Variants in BBX observed in about 807,000 individuals in gnomAD.
BBX encodes BBX high mobility group box domain containing.
In BBX, 30 loss-of-function variants were observed where a neutral mutation model predicts 100.2. The ratio of observed to expected loss-of-function variants is 0.30; its 90% CI spans 0.22 to 0.41. The LOEUF is 0.41. BBX is among the 10% of genes least tolerant of loss of function. The pLI is 1.00. For synonymous variants in BBX, 376 were observed against 388.1 expected, an observed-to-expected ratio of 0.97 and a Z score of 0.37; for missense variants, 1,023 against 1,129.8, an observed-to-expected ratio of 0.91 and a Z score of 1.35.
chr3:107,752,511 A>T (rs556634581), intron 9 of BBX, among the ~76,000 whole-genome samples: 1 of 152,280 alleles, frequency 6.6e-6, no homozygotes, highest in African/African-American at 2.4e-5. Flanking sequence ...ATACCGTCAT[A>T]ATTGCAAGAC....
At chr3:107,736,178 C>T (rs16853801) in intron 7 of BBX, among the ~76,000 whole-genome samples, 2,492 of 152,070 alleles carry the variant, frequency 0.016, 66 homozygotes, top group African/African-American at 0.057. Context: ...CATGTCCCTA[C>T]TGAGACCCTG....
intron 3 of BBX, among the ~76,000 whole-genome samples, chr3:107,707,545 T>C (rs1191042549): frequency 6.6e-6 from 1 of 152,200 alleles, no homozygotes; most frequent in Non-Finnish European, 1.5e-5. Context: ...AGGTATGATG[T>C]ATCTAAATAA....
At chr3:107,608,946 T>C (rs2054638224) in intron 2 of BBX, among the ~76,000 whole-genome samples, 1 of 152,220 alleles carries the variant, frequency 6.6e-6, no homozygotes, top group Non-Finnish European at 1.5e-5. Flanking sequence ...TAAGTTCTAA[T>C]AGTTTTTGGG....
intron 3 of BBX, among the ~76,000 whole-genome samples, chr3:107,688,271 C>T (rs9858953): frequency 0.095 from 14,448 of 152,180 alleles, 874 homozygotes; most frequent in Admixed American, 0.13. Context: ...GTGATCACAT[C>T]CCTTGAAAGT....
chr3:107,603,991 G>A (rs1294823428), intron 2 of BBX, among the ~76,000 whole-genome samples: 1 of 152,116 alleles, frequency 6.6e-6, no homozygotes, highest in African/African-American at 2.4e-5. Flanking sequence ...GTGGTGGTCT[G>A]GAACTGAACC....
At chr3:107,774,990 A>G (rs778182828) in intron 12 of BBX, 133 bp downstream of exon 12, 184 of 1,037,486 alleles carry the variant, frequency 1.8e-4, no homozygotes, top group South Asian at 8.7e-4. Context: ...CAATCTTAGT[A>G]GGCACCCTAG....
chr3:107,648,815 T>C, intron 3 of BBX, among the ~76,000 whole-genome samples: 1 of 152,212 alleles, frequency 6.6e-6, no homozygotes, highest in Non-Finnish European at 1.5e-5. Context: ...AAAAACATTA[T>C]TATCAAACTT....
chr3:107,778,241 TGCACA>T, intron 12 of BBX, 125 bp from the exon 13 acceptor site: 1 of 1,135,996 alleles, frequency 8.8e-7, no homozygotes, highest in Admixed American at 2.4e-5. Context: ...TTTTTTTCCT[TGCACA>T]GAATTTACTT....
At chr3:107,661,958 C>T (rs981581772) in intron 3 of BBX, 32 of 951,540 alleles carry the variant, frequency 3.4e-5, no homozygotes, top group Non-Finnish European at 4.0e-5. Flanking sequence ...AGTCATTCAG[C>T]ATTTGTTAAG....
intron 7 of BBX, among the ~76,000 whole-genome samples, chr3:107,738,654 AG>A (rs926413503): frequency 1.3e-5 from 2 of 152,202 alleles, no homozygotes; most frequent in Non-Finnish European, 2.9e-5. Context: ...TGCAGCACGC[AG>A]GGGCCTTGGT....
intron 5 of BBX, among the ~76,000 whole-genome samples, chr3:107,722,194 G>T (rs2062591002): frequency 6.6e-6 from 1 of 151,872 alleles, no homozygotes; most frequent in Admixed American, 6.6e-5. Flanking sequence ...GTAAACACTT[G>T]TATTTAAATA....
At chr3:107,730,473 TTTG>T (rs1282863439) in intron 6 of BBX, among the ~76,000 whole-genome samples, 13 of 148,222 alleles carry the variant, frequency 8.8e-5, no homozygotes, top group East Asian at 7.8e-4. Flanking sequence ...GGGTATGTAG[TTTG>T]TTGTTGTTGT....
At chr3:107,648,907 G>A (rs1442293829) in intron 3 of BBX, among the ~76,000 whole-genome samples, 1 of 152,132 alleles carries the variant, frequency 6.6e-6, no homozygotes, top group Admixed American at 6.6e-5. Flanking sequence ...TTAAGATTGG[G>A]AGTAAGGAAC....
chr3:107,529,969 A>T (rs1040349170), intron 2 of BBX, among the ~76,000 whole-genome samples: 2 of 152,242 alleles, frequency 1.3e-5, no homozygotes, highest in African/African-American at 4.8e-5. Context: ...GACTTAAAAG[A>T]TTAAATGTAG....
intron 13 of BBX, among the ~76,000 whole-genome samples, chr3:107,788,497 A>G (rs564508663): frequency 5.9e-5 from 9 of 152,168 alleles, no homozygotes; most frequent in South Asian, 2.1e-4. Flanking sequence ...TTAAGACAGA[A>G]TGAGGCTGGG....
intron 3 of BBX, among the ~76,000 whole-genome samples, chr3:107,707,899 T>C (rs1202009262): frequency 6.6e-6 from 1 of 152,232 alleles, no homozygotes; most frequent in Non-Finnish European, 1.5e-5. Flanking sequence ...TTTTGGGGGC[T>C]AAAGATTTAT....
rs138891637 is a variant in BBX, at chr3:107,713,618, G to A, written c.163-2989G>A. On this transcript the variant is annotated intron_variant, in intron 4 of 17. Coordinates refer to ENST00000325805, the MANE Select transcript of BBX (RefSeq NM_001142568.3). ...TTAAATAGCAATTAAAACATTTTTC[G>A]ATGTTCATAGTTGGCAGAATGAAAA... Among the ~76,000 whole-genome samples, 660 of 152,136 alleles carry A rather than the reference G, an allele frequency of 4.3e-3. 9 individuals carry two copies. Among genetic ancestry groups the A allele is most frequent in the Non-Finnish European group, 5.5e-3 (374 of 68,016 alleles).
intron 4 of BBX, among the ~76,000 whole-genome samples, chr3:107,715,090 T>C (rs2062008796): frequency 6.6e-6 from 1 of 152,130 alleles, no homozygotes; most frequent in Non-Finnish European, 1.5e-5. Flanking sequence ...GCCAAGACTT[T>C]TTAAAAATAC....
Position 107,593,973 on chromosome 3 carries a change from C to T in BBX, c.-83-51863C>T, listed in dbSNP as rs550391713. The stretch of plus-strand genomic sequence containing the variant: ...TTCAGTAGTTGAGAGGGAGGTTTTG[C>T]TGGGCTCTGATATTTTCAGAGGCAA... On this transcript the variant is annotated intron_variant, in intron 2 of 17. Coordinates refer to ENST00000325805, the MANE Select transcript of BBX (RefSeq NM_001142568.3). Among the ~76,000 whole-genome samples, 7 of 152,250 alleles carry T rather than the reference C, an allele frequency of 4.6e-5. No individual in the cohort carries two copies. The East Asian group carries it at 1.4e-3, about 29-fold the overall frequency.
Sources: gnomAD v4.1 joint callset for allele counts (sites outside exome capture counted in the v4.1 genomes callset) on GRCh38, gnomAD v4.1.1 for gene constraint, MANE v1.5 for transcripts, NCBI Gene and HGNC (gene_info 2026-07-23, HGNC 2026-07-21) for gene names.